Variants in PLXNA2 observed in about 807,000 individuals in gnomAD.
PLXNA2 encodes the protein plexin-A2.
Under a neutral mutation model 193.5 loss-of-function variants are expected in PLXNA2, and 91 were observed. The observed-to-expected ratio is 0.47, with a 90% CI of 0.40 to 0.56. The LOEUF is 0.56. Among genes scored for constraint, PLXNA2 ranks in the 20% least tolerant of loss-of-function variants. PLXNA2 has a pLI of 0.00. For synonymous variants in PLXNA2, 997 were observed against 1,027.3 expected, an observed-to-expected ratio of 0.97 and a Z score of 0.56; for missense variants, 1,995 against 2,503.2, an observed-to-expected ratio of 0.80 and a Z score of 4.33.
At chr1:208,232,826 C>G (rs1441824899) in intron 1 of PLXNA2, among the ~76,000 whole-genome samples, 1 of 152,168 alleles carries the variant, frequency 6.6e-6, no homozygotes, top group African/African-American at 2.4e-5. Context: ...GGTGTGAGAA[C>G]CAACTTTACT....
intron 1 of PLXNA2, among the ~76,000 whole-genome samples, chr1:208,231,722 C>T (rs1281188817): frequency 6.6e-6 from 1 of 152,232 alleles, no homozygotes; most frequent in Non-Finnish European, 1.5e-5. Flanking sequence ...GCAGCATACG[C>T]ATCACCAGTT....
At chr1:208,157,991 C>CCAA (rs1463248842) in intron 3 of PLXNA2, among the ~76,000 whole-genome samples, 3 of 152,206 alleles carry the variant, frequency 2.0e-5, no homozygotes, top group African/African-American at 7.2e-5. Flanking sequence ...CCCAGCCAGG[C>CCAA]CAAAGCATTC....
Position 208,042,157 on chromosome 1 carries a change from G to A in PLXNA2, c.4227C>T (p.Leu1409=). The A allele has an allele frequency of 1.9e-6, 3 of 1,614,206 alleles. No individual in the cohort carries two copies. The highest frequency in any genetic ancestry group is 2.5e-6 in the Non-Finnish European group (3 of 1,180,018). The change falls in exon 22 of 32, where the codon CTC becomes CTT. Residue 1409 remains leucine, a synonymous_variant. Coordinates refer to ENST00000367033, the MANE Select transcript of PLXNA2 (RefSeq NM_025179.4). ...EYATDVLKQL[L]SDLIDKNLEN... is the part of the protein sequence containing the mutation. ...CCAGGTTCTTATCGATGAGGTCAGA[G>A]AGCAGCTGCTTGAGGACATCAGTGG...
intron 3 of PLXNA2, among the ~76,000 whole-genome samples, chr1:208,143,436 A>T (rs756400533): frequency 1.3e-5 from 2 of 152,218 alleles, no homozygotes; most frequent in Non-Finnish European, 2.9e-5. Flanking sequence ...CTGTTACTAT[A>T]AGGGTTTGAA....
At chr1:208,159,613 C>G (rs1669046866) in intron 3 of PLXNA2, among the ~76,000 whole-genome samples, 1 of 152,246 alleles carries the variant, frequency 6.6e-6, no homozygotes, top group Non-Finnish European at 1.5e-5. Context: ...CTGGTCAACT[C>G]CTCTGTGAAG....
intron 12 of PLXNA2, among the ~76,000 whole-genome samples, chr1:208,063,454 C>CT (rs1248954495): frequency 6.6e-6 from 1 of 152,140 alleles, no homozygotes; most frequent in Admixed American, 6.5e-5. Context: ...GAGAAGAAGA[C>CT]TTTTTTTGGG....
At chr1:208,085,683 G>C (rs892689274) in intron 9 of PLXNA2, among the ~76,000 whole-genome samples, 5 of 152,028 alleles carry the variant, frequency 3.3e-5, no homozygotes, top group Non-Finnish European at 1.5e-5. Flanking sequence ...GGTGTGGCTC[G>C]GGCTGTTGCC....
chr1:208,045,860 T>C lies in PLXNA2; in HGVS notation c.3495+18A>G. On this transcript the variant is annotated intron_variant, in intron 18 of 31. Transcript: ENST00000367033. ...ATTGCTGCCCCTGGTGGCACTGCCC[T>C]CTGGCGGGCACTCCTACCTTCAGAA... is the stretch of plus-strand genomic sequence containing the variant. 6 of 1,613,600 alleles carry C rather than the reference T, an allele frequency of 3.7e-6. No individual in the cohort carries two copies. Among genetic ancestry groups the C allele is most frequent in the Non-Finnish European group, 5.1e-6 (6 of 1,179,508 alleles).
intron 4 of PLXNA2, 104 bp downstream of exon 4, chr1:208,142,225 G>T: frequency 7.7e-7 from 1 of 1,300,334 alleles, no homozygotes; most frequent in South Asian, 1.6e-5. Context: ...TGTGCTGCAA[G>T]CCCAGAGGTC....
intron 9 of PLXNA2, among the ~76,000 whole-genome samples, chr1:208,086,911 G>A (rs943478453): frequency 1.3e-5 from 2 of 150,520 alleles, no homozygotes; most frequent in Non-Finnish European, 3.0e-5. Flanking sequence ...TAGAATTTAA[G>A]TTAGAAATAA....
intron 3 of PLXNA2, among the ~76,000 whole-genome samples, chr1:208,206,535 CA>C (rs1263230063): frequency 6.6e-6 from 1 of 152,152 alleles, no homozygotes; most frequent in African/African-American, 2.4e-5. Context: ...GTGTGGCACC[CA>C]AGGTCTAGAA....
intron 4 of PLXNA2, among the ~76,000 whole-genome samples, chr1:208,108,893 G>A (rs924358975): frequency 1.3e-5 from 2 of 152,190 alleles, no homozygotes; most frequent in African/African-American, 2.4e-5. Flanking sequence ...GTGTTCAAGC[G>A]ATCTGCAAGA....
intron 9 of PLXNA2, 148 bp downstream of exon 9, chr1:208,092,636 CAG>C (rs1443702807): frequency 3.7e-6 from 2 of 539,960 alleles, no homozygotes; most frequent in African/African-American, 3.8e-5. Flanking sequence ...TTTATAATAA[CAG>C]GGCTTTCTAG....
chr1:208,098,923 A>G lies in PLXNA2; in HGVS notation c.1654T>C (p.Phe552Leu). Residue 552 changes from phenylalanine to leucine, a missense_variant, in exon 6 of 32, where the codon TTT (phenylalanine) becomes CTT (leucine). Phe to Leu is a conservative substitution (Grantham distance 22, BLOSUM62 0). Around this residue, in one of 3 missense-constraint regions of PLXNA2, gnomAD observed 702 missense variants for 812.9 expected, o/e 0.86. Transcript: ENST00000367033. ...ACACACTGGCTGATGCTGGCAGCAA[A>G]TCGATTAGGTTCCCAGGCCTGTTGG... ...KCQQAWEPNR[F>L]AASISQCVSL... The G allele has an allele frequency of 5.0e-6, 8 of 1,613,754 alleles. No individual in the cohort carries two copies. The highest frequency in any genetic ancestry group is 6.8e-6 in the Non-Finnish European group (8 of 1,179,956).
intron 14 of PLXNA2, among the ~76,000 whole-genome samples, chr1:208,053,642 T>G (rs1400761828): frequency 6.6e-6 from 1 of 152,224 alleles, no homozygotes; most frequent in Non-Finnish European, 1.5e-5. Flanking sequence ...CTAGTGTTAA[T>G]GCCTTTTAAT....
rs139775293 is a variant in PLXNA2 at position 208,114,936 on chromosome 1, C to T, written c.1507-11689G>A. Among the ~76,000 whole-genome samples, 18 of 152,318 alleles carry T rather than the reference C, an allele frequency of 1.2e-4. No homozygotes were observed. The East Asian group carries it at 3.5e-3, about 29-fold the overall frequency. On this transcript the variant is annotated intron_variant, in intron 4 of 31. Transcript: ENST00000367033. ...TATTAAATCTCTGCCTAAGGGGAAACAAGAGTCTCCTATACTTACATTGGA... is the reference window on the plus strand; with the variant it reads ...TATTAAATCTCTGCCTAAGGGGAAATAAGAGTCTCCTATACTTACATTGGA...
chr1:208,087,945 A>G (rs1047633118), intron 9 of PLXNA2, among the ~76,000 whole-genome samples: 1 of 152,218 alleles, frequency 6.6e-6, no homozygotes, highest in Non-Finnish European at 1.5e-5. Flanking sequence ...GTGTACATAC[A>G]CATACAGTAC....
intron 9 of PLXNA2, among the ~76,000 whole-genome samples, chr1:208,085,915 C>G (rs998187100): frequency 1.1e-4 from 17 of 152,288 alleles, no homozygotes; most frequent in African/African-American, 4.1e-4. Context: ...TGCTGCCCTG[C>G]TTCAGCCCCT....
intron 1 of PLXNA2, among the ~76,000 whole-genome samples, chr1:208,238,318 G>A (rs1464852321): frequency 6.6e-6 from 1 of 152,188 alleles, no homozygotes; most frequent in Non-Finnish European, 1.5e-5. Flanking sequence ...CACCCTCAAA[G>A]TAATTTTAGC....
Sources: allele counts gnomAD v4.1 joint callset (sites outside exome capture counted in the v4.1 genomes callset), GRCh38; gene constraint gnomAD v4.1.1; regional missense constraint gnomAD v4.1.1; transcripts MANE v1.5; gene names NCBI Gene and HGNC (gene_info 2026-07-23, HGNC 2026-07-21).